CD72: variants seen among roughly 807,000 people sequenced by gnomAD.
CD72 encodes B-cell differentiation antigen CD72.
CD72 carries 28 observed loss-of-function variants against 50.7 expected under a neutral mutation model. That is an observed-to-expected ratio of 0.55 (90% CI 0.41 to 0.76). The LOEUF is 0.76. CD72 is among the 30% of genes least tolerant of loss of function. The pLI is 0.00. For synonymous variants in CD72, 176 were observed against 171.2 expected (o/e 1.03, Z -0.22); for missense variants, 403 against 420.6 (o/e 0.96, Z 0.37).
intron 5 of CD72, among the ~76,000 whole-genome samples, chr9:35,613,269 A>G (rs1587900594): frequency 6.6e-6 from 1 of 152,044 alleles, no homozygotes; most frequent in Non-Finnish European, 1.5e-5. Flanking sequence ...ATTGCAGTCC[A>G]CCCTGACACT....
intron 3 of CD72, 49 bp from the exon 4 acceptor site, chr9:35,616,738 T>G: frequency 2.0e-6 from 3 of 1,484,632 alleles, no homozygotes; most frequent in Non-Finnish European, 1.9e-6. Flanking sequence ...CCGTAAAGAA[T>G]GTAGAGAGGA....
chr9:35,613,133 A>G, intron 5 of CD72, 140 bp from the exon 6 acceptor site: 2 of 698,962 alleles, frequency 2.9e-6, no homozygotes, highest in Non-Finnish European at 2.4e-6. Context: ...TTTCTTTTGC[A>G]TCCCCTGGAA....
In CD72 at chr9:35,616,646, G is replaced by A. The variant is rs751190119; in HGVS notation, c.306C>T (p.Leu102=). 1 of 1,614,002 alleles carries A rather than the reference G, an allele frequency of 6.2e-7. No individual in the cohort carries two copies. The highest frequency in any genetic ancestry group is 8.5e-7 in the Non-Finnish European group (1 of 1,179,978). ...CLRYLLLGLL[L]TCLLLGVTAI... is the part of the protein sequence containing the mutation. Reference sequence around the variant, plus strand: ...CGGTCACTCCTAACAGCAGGCAGGTGAGGAGCAGGCCGAGCAGGAGGTATC... The same window carrying A: ...CGGTCACTCCTAACAGCAGGCAGGTAAGGAGCAGGCCGAGCAGGAGGTATC... The change falls in exon 4 of 9, where the codon CTC becomes CTT. Residue 102 remains leucine (L), a synonymous_variant. Transcript: ENST00000259633.
intron 1 of CD72, among the ~76,000 whole-genome samples, chr9:35,644,350 CAAAAA>C (rs74176726): frequency 1.5e-5 from 1 of 68,194 alleles, no homozygotes; most frequent in African/African-American, 5.9e-5. Flanking sequence ...AACTCTGTCT[CAAAAA>C]AAAAAAAAAA....
intron 1 of CD72, chr9:35,646,349 CCTT>C (rs1234921339): frequency 4.1e-4 from 63 of 152,314 alleles, no homozygotes; most frequent in African/African-American, 1.4e-3. Flanking sequence ...GACGGGCACT[CCTT>C]CTGGCTGGAA....
rs1402278008 is a variant in CD72, at chr9:35,643,904, T to TA, written n.408+2498dup. Among the ~76,000 whole-genome samples, 3 of 151,910 alleles carry TA rather than the reference T, an allele frequency of 2.0e-5. No homozygotes were observed. The East Asian group carries it at 5.8e-4, about 29-fold the overall frequency. ...GGGAGGCTGGGGCAGGAGAATTGCT[T>TA]AAATCTGGAGGTGGAGGTTGCAGTG... On this transcript the variant is annotated intron_variant and non_coding_transcript_variant, in intron 1 of 3. Coordinates refer to the CD72 transcript ENST00000465754.
exon 1 of CD72, chr9:35,646,767 A>C (rs1419491567): frequency 6.6e-6 from 1 of 152,414 alleles, no homozygotes; most frequent in African/African-American, 2.4e-5. Flanking sequence ...GCGTTCCGCG[A>C]ACTTGGGAGG....
intron 2 of CD72, among the ~76,000 whole-genome samples, chr9:35,617,650 G>A (rs1489236449): frequency 6.6e-6 from 1 of 151,958 alleles, no homozygotes; most frequent in Non-Finnish European, 1.5e-5. Context: ...TTATCTCCCC[G>A]AAAGGGGTCT....
At chr9:35,624,513 G>C (rs1030740301), upstream of CD72, among the ~76,000 whole-genome samples, 2 of 152,078 alleles carry the variant, frequency 1.3e-5, no homozygotes, top group Non-Finnish European at 2.9e-5. Context: ...GCTACTCCTA[G>C]CTCACATACT....
At chr9:35,644,799 G>A (rs1014539619) in intron 1 of CD72, among the ~76,000 whole-genome samples, 1 of 151,882 alleles carries the variant, frequency 6.6e-6, no homozygotes, top group African/African-American at 2.4e-5. Context: ...AGACATCAGA[G>A]GTTCAGCATC....
chr9:35,639,948 G>A (rs1010088019), intron 1 of CD72, among the ~76,000 whole-genome samples: 12 of 152,262 alleles, frequency 7.9e-5, no homozygotes, highest in African/African-American at 2.6e-4. Context: ...CATAGAAATT[G>A]ATATTTTAAA....
rs185640589 is a variant in CD72 at position 35,610,348 on chromosome 9, C to T, written c.*23-48G>A. On this transcript the variant is annotated intron_variant, in intron 8 of 8. Coordinates refer to ENST00000259633, the MANE Select transcript of CD72 (RefSeq NM_001782.3). ...AGCTCCATGGTTGACTTAACTGAAC[C>T]CTCATCCCACTCACCCCATCTCCTC... 8.3e-5 allele frequency: 31 copies of T among 373,210 alleles called. No individual in the cohort carries two copies. In the East Asian group the frequency reaches 1.5e-3, roughly 18 times the overall value. The allele number at this position is 373,210 out of a possible 1,614,324, so 23.1% of individuals were successfully genotyped here. A position where few individuals can be genotyped will look rare whatever the true frequency, so the allele number is the denominator to read the frequency against.
chr9:35,616,987 A>AG (rs1316854691), intron 3 of CD72, 189 bp downstream of exon 3: 3 of 1,442,796 alleles, frequency 2.1e-6, no homozygotes, highest in Non-Finnish European at 2.7e-6. Flanking sequence ...GACCATCCGC[A>AG]GGGGGGCGGT....
At chr9:35,613,514 T>G (rs1276721395) in intron 5 of CD72, among the ~76,000 whole-genome samples, 3 of 152,128 alleles carry the variant, frequency 2.0e-5, no homozygotes, top group African/African-American at 7.2e-5. Context: ...TATCCCTCTT[T>G]CTTCAACATC....
At position 35,617,047 on chromosome 9, in the gene CD72, C is replaced by T. The variant is rs1823075454; in HGVS notation, c.262+129G>A. On this transcript the variant is annotated intron_variant, in intron 3 of 8. Coordinates refer to ENST00000259633, the MANE Select transcript of CD72 (RefSeq NM_001782.3). ...ATGAAGGTGAATGTGGCACGGCAGC[C>T]CGGGCGTCGGAAGGACTGCGCCCGG... 6 of 1,474,564 alleles carry T rather than the reference C, an allele frequency of 4.1e-6. No individual in the cohort carries two copies. In the East Asian group the frequency reaches 1.5e-4, roughly 36 times the overall value. The allele number at this position is 1,474,564 out of a possible 1,614,324, so 91.3% of individuals were successfully genotyped here. A position where few individuals can be genotyped will look rare whatever the true frequency, so the allele number is the denominator to read the frequency against.
At chr9:35,621,204 C>A (rs1823144290), upstream of CD72, among the ~76,000 whole-genome samples, 1 of 152,164 alleles carries the variant, frequency 6.6e-6, no homozygotes, top group African/African-American at 2.4e-5. Flanking sequence ...TTTCCAGAAC[C>A]ATACTATCAT....
intron 1 of CD72, among the ~76,000 whole-genome samples, chr9:35,632,735 C>T (rs906565424): frequency 4.0e-5 from 6 of 151,262 alleles, no homozygotes; most frequent in South Asian, 4.2e-4. Flanking sequence ...TGCCACTGCA[C>T]CCTGCTAATT....
rs1823050924 is a variant in CD72 at position 35,615,532 on chromosome 9, C to T, written c.688+411G>A. 2.0e-5 allele frequency among the ~76,000 whole-genome samples: 3 copies of T among 152,226 alleles called. No individual in the cohort carries two copies. The South Asian group carries it at 6.2e-4, about 32-fold the overall frequency. ...TTGCACTCCATGTCAGCCAGTAAGT[C>T]TTACCCTTTGGGGAGATCTCAGCTA... On this transcript the variant is annotated intron_variant, in intron 5 of 8. Transcript: ENST00000259633.
upstream of CD72, among the ~76,000 whole-genome samples, chr9:35,624,144 G>A (rs567905583): frequency 4.8e-4 from 72 of 151,200 alleles, 1 homozygote; most frequent in African/African-American, 1.6e-3. Flanking sequence ...CCTGGGAGGC[G>A]GAGGTTGCAG....
Sources: allele counts gnomAD v4.1 joint callset (sites outside exome capture counted in the v4.1 genomes callset), GRCh38; gene constraint gnomAD v4.1.1; transcripts MANE v1.5; gene names NCBI Gene and HGNC (gene_info 2026-07-23, HGNC 2026-07-21).